Variants in TMEM244 observed in about 807,000 individuals in gnomAD.
TMEM244 encodes the protein transmembrane protein 244.
Under a neutral mutation model 15.8 loss-of-function variants are expected in TMEM244, and 13 were observed. That is an observed-to-expected ratio of 0.82 (90% CI 0.53 to 1.30). TMEM244 has a LOEUF of 1.30. TMEM244 is among the 50% of genes most tolerant of loss of function. The probability of loss-of-function intolerance (pLI) is 0.00; values close to 1 mark genes in which losing one functional copy is unlikely to be tolerated. For missense variants in TMEM244, 161 were observed against 144.9 expected, an observed-to-expected ratio of 1.11 and a Z score of -0.57; for synonymous variants, 45 against 48.7, an observed-to-expected ratio of 0.92 and a Z score of 0.32.
intron 2 of TMEM244, among the ~76,000 whole-genome samples, chr6:129,845,210 T>A (rs1185435555): frequency 6.6e-6 from 1 of 152,178 alleles, no homozygotes; most frequent in Non-Finnish European, 1.5e-5. Context: ...AGAAAGTTAG[T>A]AAGAACTTGG....
chr6:129,838,512 C>T (rs1227398418), intron 3 of TMEM244, among the ~76,000 whole-genome samples: 1 of 152,066 alleles, frequency 6.6e-6, no homozygotes, highest in Non-Finnish European at 1.5e-5. Context: ...ACCCTAACAT[C>T]ACAATTAACA....
At chr6:129,847,470 A>G (rs1054725151) in intron 1 of TMEM244, among the ~76,000 whole-genome samples, 1 of 152,214 alleles carries the variant, frequency 6.6e-6, no homozygotes, top group African/African-American at 2.4e-5. Context: ...GTTAGCAGAG[A>G]GTATACCACA....
intron 1 of TMEM244, among the ~76,000 whole-genome samples, chr6:129,848,341 C>T (rs80105143): frequency 1.3e-3 from 201 of 152,276 alleles, no homozygotes; most frequent in African/African-American, 4.0e-3. Flanking sequence ...TCTCATTGTC[C>T]GCCACAGGGC....
chr6:129,859,756 G>A (rs1273321974), intron 1 of TMEM244, among the ~76,000 whole-genome samples: 1 of 152,160 alleles, frequency 6.6e-6, no homozygotes, highest in Admixed American at 6.6e-5. Flanking sequence ...TACAGATAGG[G>A]GGGATTTAAT....
At chr6:129,853,663 C>T (rs1418773141) in intron 1 of TMEM244, among the ~76,000 whole-genome samples, 1 of 151,996 alleles carries the variant, frequency 6.6e-6, no homozygotes, top group Non-Finnish European at 1.5e-5. Context: ...AAAAATAAAG[C>T]AGTTTTAATA....
At chr6:129,832,710 G>A (rs1253466910) in intron 4 of TMEM244, among the ~76,000 whole-genome samples, 1 of 152,074 alleles carries the variant, frequency 6.6e-6, no homozygotes, top group East Asian at 1.9e-4. Flanking sequence ...ATTTTGTAGA[G>A]AAGGAAACTA....
In TMEM244 at chr6:129,849,692, A is replaced by G. The variant is rs575665346; in HGVS notation, c.34-3840T>C. ...CAGGCTCCAGGAATTTGTGTTCATA[A>G]CAAGTTCCCAGCTGATGCTGAGTCA... On this transcript the variant is annotated intron_variant, in intron 1 of 4. Transcript: ENST00000368143. Among the ~76,000 whole-genome samples, 3 of 152,254 alleles carry G rather than the reference A, an allele frequency of 2.0e-5. No homozygotes were observed. In the South Asian group the frequency reaches 6.2e-4, roughly 32 times the overall value.
At chr6:129,855,606 A>G (rs1584192652) in intron 1 of TMEM244, among the ~76,000 whole-genome samples, 2 of 152,336 alleles carry the variant, frequency 1.3e-5, no homozygotes, top group Admixed American at 6.5e-5. Flanking sequence ...AGAATCAATC[A>G]TATTTTCACA....
intron 3 of TMEM244, among the ~76,000 whole-genome samples, chr6:129,836,445 A>G (rs1232710087): frequency 1.3e-5 from 2 of 152,216 alleles, no homozygotes; most frequent in East Asian, 3.8e-4. Context: ...AAGGTAGATA[A>G]AACCACAAAG....
At chr6:129,848,990 T>C (rs1158396167) in intron 1 of TMEM244, among the ~76,000 whole-genome samples, 1 of 152,100 alleles carries the variant, frequency 6.6e-6, no homozygotes, top group South Asian at 2.1e-4. Flanking sequence ...TTTTAATACA[T>C]TCACTTACTA....
chr6:129,858,971 T>A (rs577417781), intron 1 of TMEM244, among the ~76,000 whole-genome samples: 1 of 152,208 alleles, frequency 6.6e-6, no homozygotes, highest in East Asian at 1.9e-4. Flanking sequence ...ATTTTTGTAT[T>A]TTTAGTAGAG....
chr6:129,832,630 A>G (rs530892970), intron 4 of TMEM244, among the ~76,000 whole-genome samples: 1 of 152,290 alleles, frequency 6.6e-6, no homozygotes, highest in Admixed American at 6.5e-5. Context: ...TTTACTGAGT[A>G]ATTATTATCT....
At chr6:129,836,276 AG>A (rs1347727774) in intron 3 of TMEM244, among the ~76,000 whole-genome samples, 1 of 152,184 alleles carries the variant, frequency 6.6e-6, no homozygotes. Context: ...CTAGGCAAAC[AG>A]GGTCTGGAGT....
chr6:129,834,530 C>G (rs1776375561), intron 3 of TMEM244, among the ~76,000 whole-genome samples: 1 of 152,140 alleles, frequency 6.6e-6, no homozygotes, highest in Admixed American at 6.5e-5. Flanking sequence ...CACCTTATGT[C>G]CTACTGTGCA....
At chr6:129,845,078 A>G (rs531224557) in intron 2 of TMEM244, among the ~76,000 whole-genome samples, 1 of 152,354 alleles carries the variant, frequency 6.6e-6, no homozygotes, top group Non-Finnish European at 1.5e-5. Flanking sequence ...CATAAAAATG[A>G]TACCATTAAA....
chr6:129,845,647 T>C, intron 2 of TMEM244, 120 bp downstream of exon 2: 1 of 788,362 alleles, frequency 1.3e-6, no homozygotes, highest in Non-Finnish European at 2.1e-6. Context: ...AGTAAGAAAC[T>C]ATGTCTTTAA....
At chr6:129,846,794 C>T (rs368763497) in intron 1 of TMEM244, among the ~76,000 whole-genome samples, 6 of 152,218 alleles carry the variant, frequency 3.9e-5, no homozygotes, top group East Asian at 3.9e-4. Context: ...AACCTCTATG[C>T]AAGAATTTAC....
intron 4 of TMEM244, among the ~76,000 whole-genome samples, chr6:129,831,698 C>T (rs1013093416): frequency 3.9e-5 from 6 of 152,170 alleles, no homozygotes; most frequent in African/African-American, 1.4e-4. Flanking sequence ...TCAGGAATTC[C>T]AAACCACTTC....
intron 3 of TMEM244, among the ~76,000 whole-genome samples, chr6:129,838,663 C>G (rs1052675248): frequency 4.6e-5 from 7 of 151,646 alleles, no homozygotes; most frequent in African/African-American, 1.7e-4. Context: ...TTGAGAAGAT[C>G]AACAAAATAG....
Sources: allele counts gnomAD v4.1 joint callset (sites outside exome capture counted in the v4.1 genomes callset), GRCh38; gene constraint gnomAD v4.1.1; transcripts MANE v1.5; gene names NCBI Gene and HGNC (gene_info 2026-07-23, HGNC 2026-07-21).